Variants in CNTNAP5 observed in about 807,000 individuals in gnomAD.
CNTNAP5 encodes contactin associated protein family member 5, also known as contactin-associated protein-like 5.
Under a neutral mutation model 150.2 loss-of-function variants are expected in CNTNAP5, and 72 were observed. The ratio of observed to expected loss-of-function variants is 0.48; its 90% CI spans 0.40 to 0.58. The LOEUF is 0.58. Among genes scored for constraint, CNTNAP5 ranks in the 20% least tolerant of loss-of-function variants. The pLI, the probability that CNTNAP5 is intolerant of heterozygous loss-of-function variation, is 0.00. For synonymous variants in CNTNAP5, 672 were observed against 619.8 expected (o/e 1.08, Z -1.25); for missense variants, 1,636 against 1,626.2 (o/e 1.01, Z -0.10).
At chr2:124,693,327 C>T (rs1314583672) in intron 13 of CNTNAP5, among the ~76,000 whole-genome samples, 1 of 152,072 alleles carries the variant, frequency 6.6e-6, no homozygotes, top group Admixed American at 6.6e-5. Context: ...ATAAAAATCC[C>T]AGGAATATCA....
At chr2:124,344,649 A>G (rs1689695995) in intron 3 of CNTNAP5, among the ~76,000 whole-genome samples, 1 of 152,104 alleles carries the variant, frequency 6.6e-6, no homozygotes, top group Admixed American at 6.5e-5. Flanking sequence ...CCAGCTCCTC[A>G]GGAGGCTAAG....
At chr2:124,446,692 TC>T in intron 5 of CNTNAP5, 60 bp from the exon 6 acceptor site, 1 of 1,521,076 alleles carries the variant, frequency 6.6e-7, no homozygotes, top group East Asian at 2.3e-5. Context: ...TGTGGAGCAT[TC>T]TGGTGTGCAA....
chr2:124,747,427 C>T (rs1285469794), intron 14 of CNTNAP5, 42 bp downstream of exon 14: 3 of 1,606,852 alleles, frequency 1.9e-6, no homozygotes, highest in East Asian at 2.2e-5. Flanking sequence ...AGAGAAAGCA[C>T]ATTAATTGAT....
At chr2:124,267,530 G>T (rs1459777981) in intron 3 of CNTNAP5, among the ~76,000 whole-genome samples, 4 of 152,044 alleles carry the variant, frequency 2.6e-5, no homozygotes, top group Non-Finnish European at 5.9e-5. Flanking sequence ...TATGCATATG[G>T]CCCATCAGGA....
intron 10 of CNTNAP5, among the ~76,000 whole-genome samples, chr2:124,530,905 A>C (rs1695089160): frequency 6.6e-6 from 1 of 152,082 alleles, no homozygotes; most frequent in Admixed American, 6.5e-5. Context: ...AGTAGGCAAA[A>C]CACAATAGTC....
chr2:124,728,967 C>G (rs894354201), intron 13 of CNTNAP5, among the ~76,000 whole-genome samples: 1 of 152,070 alleles, frequency 6.6e-6, no homozygotes, highest in African/African-American at 2.4e-5. Flanking sequence ...TAAAGGCCCT[C>G]TCACTTTGTT....
chr2:124,701,272 C>T (rs1296449156), intron 13 of CNTNAP5, among the ~76,000 whole-genome samples: 3 of 152,042 alleles, frequency 2.0e-5, no homozygotes, highest in South Asian at 4.1e-4. Flanking sequence ...TGAGATCATG[C>T]AATAGTTTCT....
At chr2:124,904,419 C>A (rs1315959279) in intron 22 of CNTNAP5, among the ~76,000 whole-genome samples, 1 of 151,876 alleles carries the variant, frequency 6.6e-6, no homozygotes, top group Non-Finnish European at 1.5e-5. Flanking sequence ...GTGAATAATA[C>A]TGCAGTAAAC....
intron 1 of CNTNAP5, among the ~76,000 whole-genome samples, chr2:124,114,780 A>G (rs1220119008): frequency 6.6e-6 from 1 of 151,664 alleles, no homozygotes; most frequent in East Asian, 1.9e-4. Flanking sequence ...TAACTTAAAT[A>G]ATTTCATTTA....
chr2:124,583,579 A>G (rs904532036), intron 11 of CNTNAP5, among the ~76,000 whole-genome samples: 3 of 152,258 alleles, frequency 2.0e-5, no homozygotes, highest in Non-Finnish European at 2.9e-5. Flanking sequence ...GTGTCAACAC[A>G]ATTTGACTGA....
rs1024702572 is a variant in CNTNAP5, at chr2:124,417,319, T to C, written c.382-124T>C. On this transcript the variant is annotated intron_variant, in intron 3 of 23. Coordinates refer to ENST00000682447, the MANE Select transcript of CNTNAP5 (RefSeq NM_001367498.1). ...TGCAGGATTTTCACCCAAGTCATAT[T>C]TCAATTGAAATACGTGAGAAATTAG... 4.2e-6 allele frequency: 4 copies of C among 949,996 alleles called. No individual in the cohort carries two copies. The South Asian group carries it at 7.1e-5, about 17-fold the overall frequency. 58.8% of individuals were successfully genotyped at this position (949,996 alleles called of 1,614,324 possible).
chr2:124,257,778 T>A (rs181174207), intron 3 of CNTNAP5, among the ~76,000 whole-genome samples: 9 of 151,688 alleles, frequency 5.9e-5, no homozygotes, highest in African/African-American at 1.9e-4. Context: ...TCCATGAAAC[T>A]GGATAGAGTG....
chr2:124,425,667 T>C (rs898255032), intron 4 of CNTNAP5, among the ~76,000 whole-genome samples: 1 of 146,842 alleles, frequency 6.8e-6, no homozygotes, highest in Non-Finnish European at 1.5e-5. Context: ...ATAGCTCCCC[T>C]TTTCAATCCC....
At chr2:124,187,287 T>A (rs1342479331) in intron 1 of CNTNAP5, among the ~76,000 whole-genome samples, 1 of 152,190 alleles carries the variant, frequency 6.6e-6, no homozygotes, top group Non-Finnish European at 1.5e-5. Flanking sequence ...CCATCATGCA[T>A]AACTGGTGGC....
intron 21 of CNTNAP5, among the ~76,000 whole-genome samples, chr2:124,885,138 C>A (rs993525901): frequency 1.3e-5 from 2 of 151,986 alleles, no homozygotes; most frequent in African/African-American, 2.4e-5. Flanking sequence ...TCAGGAAGTG[C>A]AGCTGGAACT....
chr2:124,367,913 T>C (rs1463581860), intron 3 of CNTNAP5, among the ~76,000 whole-genome samples: 1 of 152,244 alleles, frequency 6.6e-6, no homozygotes, highest in Admixed American at 6.5e-5. Flanking sequence ...AGTACTATGC[T>C]GTGAATCTGA....
At chr2:124,792,696 C>T (rs1477102661) in intron 18 of CNTNAP5, among the ~76,000 whole-genome samples, 2 of 152,256 alleles carry the variant, frequency 1.3e-5, no homozygotes, top group East Asian at 1.9e-4. Flanking sequence ...TACCTCTTCC[C>T]GTGTCCCTGG....
chr2:124,356,215 G>A (rs1689999254), intron 3 of CNTNAP5, among the ~76,000 whole-genome samples: 1 of 151,494 alleles, frequency 6.6e-6, no homozygotes, highest in African/African-American at 2.4e-5. Context: ...ATAATATCCT[G>A]CTTCTACTAA....
At chr2:124,614,916 C>T (rs1483352928) in intron 12 of CNTNAP5, among the ~76,000 whole-genome samples, 3 of 151,932 alleles carry the variant, frequency 2.0e-5, no homozygotes, top group Non-Finnish European at 4.4e-5. Context: ...ATGTCTCTGA[C>T]ACAAGTTCAT....
Sources: allele counts gnomAD v4.1 joint callset (sites outside exome capture counted in the v4.1 genomes callset), GRCh38; gene constraint gnomAD v4.1.1; transcripts MANE v1.5; gene names NCBI Gene and HGNC (gene_info 2026-07-23, HGNC 2026-07-21).